The following NEK11 variants were observed in gnomAD, a reference collection of about 807,000 sequenced individuals.
NEK11 encodes the protein serine/threonine-protein kinase Nek11.
A neutral mutation model predicts 80.7 loss-of-function variants in NEK11; 72 were observed. The ratio of observed to expected loss-of-function variants is 0.89; its 90% confidence interval spans 0.74 to 1.08. The LOEUF (loss-of-function observed/expected upper bound fraction) is 1.08. Ranked by LOEUF, NEK11 falls within the 50% of genes least tolerant of loss-of-function variation. NEK11 has a pLI of 0.00. For missense variants in NEK11, 764 were observed against 763.6 expected (o/e 1.00, Z -0.01); for synonymous variants, 251 against 260.7 (o/e 0.96, Z 0.36).
intron 17 of NEK11, among the ~76,000 whole-genome samples, chr3:131,296,381 C>G (rs1313537012): frequency 6.6e-6 from 1 of 152,044 alleles, no homozygotes; most frequent in Admixed American, 6.6e-5. Flanking sequence ...AAATAAAAGT[C>G]TGTAAAACCT....
intron 16 of NEK11, among the ~76,000 whole-genome samples, chr3:131,252,048 C>G (rs2095714115): frequency 6.6e-6 from 1 of 152,080 alleles, no homozygotes; most frequent in South Asian, 2.1e-4. Context: ...GCCCAGGTAG[C>G]TTGTGTCTGC....
intron 17 of NEK11, among the ~76,000 whole-genome samples, chr3:131,311,137 A>G (rs1295834499): frequency 6.8e-6 from 1 of 148,002 alleles, no homozygotes; most frequent in Non-Finnish European, 1.5e-5. Context: ...AAACCGATGC[A>G]TAATATTTAT....
At chr3:131,283,253 T>C (rs2096424510) in intron 17 of NEK11, among the ~76,000 whole-genome samples, 1 of 152,206 alleles carries the variant, frequency 6.6e-6, no homozygotes, top group Non-Finnish European at 1.5e-5. Flanking sequence ...AGCCTCTTAA[T>C]TACCACAGGC....
intron 17 of NEK11, among the ~76,000 whole-genome samples, chr3:131,318,566 A>G (rs58382421): frequency 0.14 from 21,294 of 152,006 alleles, 1,679 homozygotes; most frequent in South Asian, 0.23. Context: ...AAGTCAACAT[A>G]TATCTCTGCA....
At chr3:131,052,141 T>G (rs1275798738) in intron 3 of NEK11, among the ~76,000 whole-genome samples, 9 of 151,520 alleles carry the variant, frequency 5.9e-5, no homozygotes, top group African/African-American at 2.2e-4. Context: ...TTTGTTTTTT[T>G]TTTTTTTGCT....
intron 5 of NEK11, among the ~76,000 whole-genome samples, chr3:131,131,546 C>T (rs190436893): frequency 5.1e-4 from 77 of 152,184 alleles, no homozygotes; most frequent in African/African-American, 1.6e-3. Context: ...TTAATGTCCA[C>T]GGAATCTGTA....
At chr3:131,174,886 A>G in intron 14 of NEK11, 3 of 1,511,812 alleles carry the variant, frequency 2.0e-6, no homozygotes, top group South Asian at 2.6e-5. Flanking sequence ...TGGAGAATGC[A>G]GTGAAGTAGG....
chr3:131,331,267 A>C (rs532400600), intron 17 of NEK11, among the ~76,000 whole-genome samples: 7 of 152,356 alleles, frequency 4.6e-5, no homozygotes, highest in African/African-American at 1.7e-4. Context: ...ACTAGCATTC[A>C]GCAAAGAGGC....
At chr3:131,096,729 A>C (rs2077488035) in intron 4 of NEK11, among the ~76,000 whole-genome samples, 1 of 147,104 alleles carries the variant, frequency 6.8e-6, no homozygotes, top group African/African-American at 2.7e-5. Context: ...ATTTAATTTA[A>C]TTTTATTTTA....
At chr3:131,279,634 C>T (rs1329012268) in intron 17 of NEK11, among the ~76,000 whole-genome samples, 1 of 152,174 alleles carries the variant, frequency 6.6e-6, no homozygotes, top group East Asian at 1.9e-4. Flanking sequence ...ACCTCACAAC[C>T]ATGGTCTACT....
chr3:131,265,123 A>T (rs1255883276), intron 16 of NEK11, among the ~76,000 whole-genome samples: 1 of 152,120 alleles, frequency 6.6e-6, no homozygotes, highest in Non-Finnish European at 1.5e-5. Context: ...GGCTGAGACG[A>T]GGGGGTTTTC....
intron 5 of NEK11, among the ~76,000 whole-genome samples, chr3:131,113,614 GAA>G (rs1303201625): frequency 6.6e-6 from 1 of 151,720 alleles, no homozygotes; most frequent in African/African-American, 2.4e-5. Flanking sequence ...AATTTTTGGG[GAA>G]AAAAAGAAAA....
chr3:131,037,335 G>A (rs186694398), intron 3 of NEK11, among the ~76,000 whole-genome samples: 7 of 151,080 alleles, frequency 4.6e-5, no homozygotes, highest in African/African-American at 1.5e-4. Context: ...CCAGGCTGGA[G>A]TGCAGTGGTG....
At chr3:131,063,090 T>G (rs1424588211) in intron 3 of NEK11, among the ~76,000 whole-genome samples, 6 of 152,190 alleles carry the variant, frequency 3.9e-5, no homozygotes, top group African/African-American at 1.4e-4. Flanking sequence ...AGTGGCACAA[T>G]CACTGCTCAC....
chr3:131,030,998 T>G (rs2064760519), intron 3 of NEK11, among the ~76,000 whole-genome samples: 1 of 152,180 alleles, frequency 6.6e-6, no homozygotes, highest in Non-Finnish European at 1.5e-5. Context: ...CATAATATAT[T>G]GTTTTCTTCT....
intron 17 of NEK11, among the ~76,000 whole-genome samples, chr3:131,322,184 T>G (rs2096904195): frequency 6.6e-6 from 1 of 152,202 alleles, no homozygotes; most frequent in Non-Finnish European, 1.5e-5. Context: ...ATCATGTCCT[T>G]TGCAGCAACA....
intron 14 of NEK11, among the ~76,000 whole-genome samples, chr3:131,226,079 G>A (rs962693066): frequency 1.3e-5 from 2 of 152,090 alleles, no homozygotes; most frequent in African/African-American, 2.4e-5. Flanking sequence ...GACTCGAGAG[G>A]GAGAGGAAGT....
intron 9 of NEK11, among the ~76,000 whole-genome samples, chr3:131,152,930 A>C (rs1421968047): frequency 4.0e-5 from 6 of 151,802 alleles, no homozygotes; most frequent in Non-Finnish European, 7.4e-5. Context: ...CTAAAAGTAC[A>C]AAAAAAATTA....
chr3:131,142,112 G>A (rs2087043359), intron 7 of NEK11, among the ~76,000 whole-genome samples: 1 of 152,188 alleles, frequency 6.6e-6, no homozygotes, highest in Admixed American at 6.5e-5. Flanking sequence ...GTTATGCTCT[G>A]AAAAACATGG....
Sources: gnomAD v4.1 joint callset for allele counts (sites outside exome capture counted in the v4.1 genomes callset) on GRCh38, gnomAD v4.1.1 for gene constraint, MANE v1.5 for transcripts, NCBI Gene and HGNC (gene_info 2026-07-23, HGNC 2026-07-21) for gene names.